DNM3: variants seen among roughly 807,000 people sequenced by gnomAD.
DNM3 encodes dynamin-3.
A neutral mutation model predicts 101.6 loss-of-function variants in DNM3; 47 were observed. The observed-to-expected ratio is 0.46, with a 90% CI of 0.37 to 0.59. DNM3 has a LOEUF of 0.59. Ranked by LOEUF, DNM3 falls within the 20% of genes least tolerant of loss-of-function variation. DNM3 has a pLI of 0.00. For synonymous variants in DNM3, 385 were observed against 387.9 expected (o/e 0.99, Z 0.09); for missense variants, 849 against 1,085.7 (o/e 0.78, Z 3.06).
intron 18 of DNM3, among the ~76,000 whole-genome samples, chr1:172,382,075 T>G (rs528806800): frequency 3.9e-5 from 6 of 152,180 alleles, no homozygotes; most frequent in Non-Finnish European, 7.4e-5. Flanking sequence ...CATATGGAAT[T>G]GTTTAAGAAG....
chr1:172,118,711 C>T, intron 13 of DNM3, among the ~76,000 whole-genome samples: 1 of 152,126 alleles, frequency 6.6e-6, no homozygotes, highest in East Asian at 1.9e-4. Context: ...CAAGCCACAG[C>T]AACAACTCTT....
At chr1:172,197,778 G>GA (rs2060007219) in intron 14 of DNM3, among the ~76,000 whole-genome samples, 1 of 152,128 alleles carries the variant, frequency 6.6e-6, no homozygotes. Flanking sequence ...CAAATTTGCT[G>GA]AAGTTGTTTC....
At chr1:172,144,952 T>G (rs1379945959) in intron 14 of DNM3, among the ~76,000 whole-genome samples, 1 of 152,120 alleles carries the variant, frequency 6.6e-6, no homozygotes, top group Non-Finnish European at 1.5e-5. Flanking sequence ...CATGGGTCTG[T>G]GCATAAAATG....
rs548798704 is a variant in DNM3, at chr1:172,164,668, C to G, written c.1659+33380C>G. 1.3e-4 allele frequency among the ~76,000 whole-genome samples: 20 copies of G among 152,044 alleles called. No homozygotes were observed. The South Asian group carries it at 3.3e-3, about 25-fold the overall frequency. On this transcript the variant is annotated intron_variant, in intron 14 of 20. Coordinates refer to ENST00000627582, the MANE Select transcript of DNM3 (RefSeq NM_015569.5). ...GACATCAGCCTTGACCCTAAAGATG[C>G]CAAGCACATGACGGTGTAAACCAGA...
chr1:172,364,050 C>T (rs187075451), intron 17 of DNM3, among the ~76,000 whole-genome samples: 1 of 152,054 alleles, frequency 6.6e-6, no homozygotes, highest in Non-Finnish European at 1.5e-5. Flanking sequence ...TACATGCTAT[C>T]TTTATGACAC....
downstream of DNM3, among the ~76,000 whole-genome samples, chr1:172,414,496 T>C (rs2071356577): frequency 6.6e-6 from 1 of 152,210 alleles, no homozygotes; most frequent in Non-Finnish European, 1.5e-5. Context: ...ATGAGTAATG[T>C]CTACATATTT....
At chr1:172,400,850 A>G (rs1167007221) in intron 20 of DNM3, among the ~76,000 whole-genome samples, 1 of 152,120 alleles carries the variant, frequency 6.6e-6, no homozygotes, top group Non-Finnish European at 1.5e-5. Context: ...CTTTGCACAT[A>G]CCTTTCCTAT....
intron 1 of DNM3, among the ~76,000 whole-genome samples, chr1:171,881,876 G>T (rs560606813): frequency 1.3e-5 from 2 of 152,072 alleles, no homozygotes; most frequent in South Asian, 2.1e-4. Context: ...TTATTAATTG[G>T]CGTGAAAACG....
rs147677174 is a variant in DNM3, at chr1:172,157,005, A to G, written c.1659+25717A>G. ...CCGGGGACTGGTTTCATGGAAGACA[A>G]TTTTTCCACAGATCAGGATGAGGTG... On this transcript the variant is annotated intron_variant, in intron 14 of 20. Coordinates refer to ENST00000627582, the MANE Select transcript of DNM3 (RefSeq NM_015569.5). Among the ~76,000 whole-genome samples the G allele has an allele frequency of 3.9e-5, 6 of 152,088 alleles. No homozygotes were observed. In the East Asian group the frequency reaches 5.8e-4, roughly 15 times the overall value.
chr1:172,015,133 T>C (rs2047369753), intron 4 of DNM3, among the ~76,000 whole-genome samples: 1 of 152,210 alleles, frequency 6.6e-6, no homozygotes, highest in Non-Finnish European at 1.5e-5. Context: ...GTTTTACATG[T>C]CTATTCTTTC....
chr1:171,899,642 T>C (rs2038125596), intron 1 of DNM3, among the ~76,000 whole-genome samples: 1 of 152,212 alleles, frequency 6.6e-6, no homozygotes, highest in African/African-American at 2.4e-5. Flanking sequence ...TGGTAGTTAC[T>C]AAGGGTTTGT....
At chr1:172,146,448 C>A (rs1181475520) in intron 14 of DNM3, among the ~76,000 whole-genome samples, 1 of 152,048 alleles carries the variant, frequency 6.6e-6, no homozygotes, top group Non-Finnish European at 1.5e-5. Flanking sequence ...TTTATATCAT[C>A]AATAGGAGTC....
chr1:171,917,486 T>G (rs2039810419), intron 1 of DNM3, among the ~76,000 whole-genome samples: 1 of 152,154 alleles, frequency 6.6e-6, no homozygotes, highest in African/African-American at 2.4e-5. Flanking sequence ...CAGGAAGCCA[T>G]GAAAGAGCAT....
intron 14 of DNM3, among the ~76,000 whole-genome samples, chr1:172,243,927 C>T (rs1196233950): frequency 6.6e-6 from 1 of 151,980 alleles, no homozygotes; most frequent in African/African-American, 2.4e-5. Context: ...AGGTTAGTTA[C>T]ATATGTATAC....
chr1:172,142,893 G>T (rs1300005205), intron 14 of DNM3, among the ~76,000 whole-genome samples: 1 of 151,550 alleles, frequency 6.6e-6, no homozygotes, highest in Non-Finnish European at 1.5e-5. Flanking sequence ...TTATGTAAAA[G>T]AAACTATATA....
At chr1:172,395,891 G>A (rs1289034560) in intron 20 of DNM3, among the ~76,000 whole-genome samples, 1 of 152,182 alleles carries the variant, frequency 6.6e-6, no homozygotes, top group Non-Finnish European at 1.5e-5. Context: ...GGGCAGTGTT[G>A]AAAGGCACTA....
chr1:171,896,769 GT>G (rs1383550054), intron 1 of DNM3, among the ~76,000 whole-genome samples: 1 of 151,980 alleles, frequency 6.6e-6, no homozygotes, highest in African/African-American at 2.4e-5. Context: ...ATGTTAAATG[GT>G]TATATTCCTT....
intron 4 of DNM3, among the ~76,000 whole-genome samples, chr1:172,003,343 A>C (rs1417083525): frequency 3.3e-5 from 5 of 152,040 alleles, no homozygotes; most frequent in Non-Finnish European, 1.5e-5. Context: ...CCATTAATGT[A>C]ATAGCTCTTT....
chr1:172,230,819 T>G (rs2061308993), intron 14 of DNM3, among the ~76,000 whole-genome samples: 1 of 152,108 alleles, frequency 6.6e-6, no homozygotes, highest in Non-Finnish European at 1.5e-5. Context: ...TGTAACTAAC[T>G]TCTCCCTCCA....
Sources: allele counts gnomAD v4.1 joint callset (sites outside exome capture counted in the v4.1 genomes callset), GRCh38; gene constraint gnomAD v4.1.1; transcripts MANE v1.5; gene names NCBI Gene and HGNC (gene_info 2026-07-23, HGNC 2026-07-21).